The following MAD1L1 variants were observed in gnomAD, a reference collection of about 807,000 sequenced individuals.
The protein encoded by MAD1L1 is mitotic spindle assembly checkpoint protein MAD1.
Under a neutral mutation model 96.9 loss-of-function variants are expected in MAD1L1, and 95 were observed. The observed-to-expected ratio is 0.98, with a 90% confidence interval of 0.83 to 1.16. The LOEUF is 1.16. MAD1L1 is among the 50% of genes most tolerant of loss of function. The pLI is 0.00. For missense variants in MAD1L1, 1,007 were observed against 954.4 expected, an observed-to-expected ratio of 1.06 and a Z score of -0.73; for synonymous variants, 473 against 396.6, an observed-to-expected ratio of 1.19 and a Z score of -2.29.
intron 11 of MAD1L1, among the ~76,000 whole-genome samples, chr7:2,074,171 A>G (rs907480721): frequency 1.3e-5 from 2 of 152,184 alleles, no homozygotes; most frequent in Admixed American, 1.3e-4. Flanking sequence ...AGATGGCAGC[A>G]CGGAACACCG....
intron 18 of MAD1L1, among the ~76,000 whole-genome samples, chr7:1,868,906 G>C (rs951104609): frequency 6.6e-6 from 1 of 152,200 alleles, no homozygotes; most frequent in Non-Finnish European, 1.5e-5. Flanking sequence ...TCCCCACACG[G>C]ACGAAGCTGA....
At chr7:1,945,242 C>T (rs557735953) in intron 16 of MAD1L1, among the ~76,000 whole-genome samples, 1 of 152,368 alleles carries the variant, frequency 6.6e-6, no homozygotes, top group South Asian at 2.1e-4. Flanking sequence ...AGGCGTCCTC[C>T]ACGCCAGAAG....
At chr7:2,027,596 C>G (rs1020016268) in intron 12 of MAD1L1, among the ~76,000 whole-genome samples, 11 of 152,120 alleles carry the variant, frequency 7.2e-5, no homozygotes, top group Admixed American at 7.2e-4. Context: ...AGAAGAAAAT[C>G]AAATGATCAT....
intron 3 of MAD1L1, among the ~76,000 whole-genome samples, chr7:2,228,002 C>A (rs1387762544): frequency 5.3e-5 from 8 of 151,300 alleles, no homozygotes; most frequent in Admixed American, 4.0e-4. Flanking sequence ...CAGGCCCTCC[C>A]TGCCACGCCG....
intron 18 of MAD1L1, among the ~76,000 whole-genome samples, chr7:1,870,629 C>A (rs551534085): frequency 3.5e-3 from 512 of 148,292 alleles, no homozygotes; most frequent in African/African-American, 0.012. Flanking sequence ...CAACATATGC[C>A]TGCCACGCTG....
intron 17 of MAD1L1, among the ~76,000 whole-genome samples, chr7:1,922,147 G>A (rs1788830142): frequency 6.6e-6 from 1 of 152,248 alleles, no homozygotes; most frequent in African/African-American, 2.4e-5. Flanking sequence ...GCGGGCTGAG[G>A]TCGGAACCCA....
intron 16 of MAD1L1, among the ~76,000 whole-genome samples, chr7:1,937,466 G>A (rs1379273829): frequency 6.6e-6 from 1 of 152,206 alleles, no homozygotes; most frequent in Non-Finnish European, 1.5e-5. Flanking sequence ...TGGCATCCTT[G>A]AGGGAGGAGT....
chr7:2,148,054 C>A (rs914819668), intron 11 of MAD1L1, among the ~76,000 whole-genome samples: 1 of 152,210 alleles, frequency 6.6e-6, no homozygotes, highest in South Asian at 2.1e-4. Flanking sequence ...TTTCATCTGA[C>A]AGCGGCTTTG....
At chr7:2,228,384 G>A (rs147800269) in intron 3 of MAD1L1, among the ~76,000 whole-genome samples, 369 of 152,036 alleles carry the variant, frequency 2.4e-3, no homozygotes, top group African/African-American at 8.1e-3. Context: ...TCAGCCTCCC[G>A]AGTAGGTGGG....
chr7:2,217,928 G>A (rs779493769), intron 7 of MAD1L1, 34 bp downstream of exon 7: 47 of 1,567,304 alleles, frequency 3.0e-5, no homozygotes, highest in Non-Finnish European at 3.3e-5. Flanking sequence ...CCACCACAGG[G>A]ATGTCCACAA....
At chr7:2,031,010 C>A (rs1783201402) in intron 12 of MAD1L1, among the ~76,000 whole-genome samples, 3 of 152,224 alleles carry the variant, frequency 2.0e-5, no homozygotes, top group Admixed American at 1.3e-4. Flanking sequence ...AGCTCTATTT[C>A]TGCTGGGCGA....
chr7:1,965,717 T>C (rs576117184), intron 15 of MAD1L1, among the ~76,000 whole-genome samples: 210 of 152,276 alleles, frequency 1.4e-3, no homozygotes, highest in South Asian at 4.4e-3. Context: ...GGAGCCGTGC[T>C]CTCTGTCTGA....
chr7:2,208,766 C>A (rs1792728487), intron 10 of MAD1L1, among the ~76,000 whole-genome samples: 1 of 152,150 alleles, frequency 6.6e-6, no homozygotes, highest in Admixed American at 6.5e-5. Context: ...CTGTATTACT[C>A]CTCCTCCCCC....
chr7:1,949,187 C>T (rs2128470408), intron 16 of MAD1L1, among the ~76,000 whole-genome samples: 1 of 152,314 alleles, frequency 6.6e-6, no homozygotes, highest in South Asian at 2.1e-4. Flanking sequence ...AGTGTGTGCA[C>T]ACGCACTAGC....
Position 1,871,087 on chromosome 7 carries a change from C to A in MAD1L1, c.1998+27113G>T, listed in dbSNP as rs1439282651. 1.4e-5 allele frequency among the ~76,000 whole-genome samples: 2 copies of A among 147,796 alleles called. 1 individual carries two copies. The highest frequency in any genetic ancestry group is 3.0e-5 in the Non-Finnish European group (2 of 67,272). ...CCTGCCATGCTGAACCCAACATACA[C>A]CTGCCACGCTGAACCCACCGTAACA... On this transcript the variant is annotated intron_variant, in intron 18 of 18. Transcript: ENST00000265854.
chr7:2,159,178 C>G (rs1202646423), intron 10 of MAD1L1, among the ~76,000 whole-genome samples: 1 of 152,246 alleles, frequency 6.6e-6, no homozygotes, highest in Non-Finnish European at 1.5e-5. Context: ...GCAGCAAACC[C>G]TCGTCACGCT....
intron 16 of MAD1L1, among the ~76,000 whole-genome samples, chr7:1,938,903 G>A (rs6461026): frequency 0.53 from 42,881 of 81,358 alleles, 9,018 homozygotes; most frequent in Admixed American, 0.64. Context: ...CCAGAGGCGC[G>A]CACACACACA....
At chr7:1,966,206 G>C (rs979526650) in intron 15 of MAD1L1, among the ~76,000 whole-genome samples, 2 of 152,256 alleles carry the variant, frequency 1.3e-5, no homozygotes, top group African/African-American at 4.8e-5. Flanking sequence ...ACCTGGGCTA[G>C]AAACCACCCA....
At chr7:2,042,189 A>G (rs934619475) in intron 12 of MAD1L1, among the ~76,000 whole-genome samples, 2 of 151,292 alleles carry the variant, frequency 1.3e-5, no homozygotes, top group African/African-American at 4.9e-5. Context: ...GCACACACAC[A>G]CGCACATGGA....
Sources: gnomAD v4.1 joint callset for allele counts (sites outside exome capture counted in the v4.1 genomes callset) on GRCh38, gnomAD v4.1.1 for gene constraint, MANE v1.5 for transcripts, NCBI Gene and HGNC (gene_info 2026-07-23, HGNC 2026-07-21) for gene names.